The following RBFOX1 variants were observed in gnomAD, a reference collection of about 807,000 sequenced individuals.
The protein encoded by RBFOX1 is RNA binding protein fox-1 homolog 1.
RBFOX1 carries 8 observed loss-of-function variants against 57.7 expected under a neutral mutation model. The ratio of observed to expected loss-of-function variants is 0.14; its 90% CI spans 0.08 to 0.25. RBFOX1 has a LOEUF of 0.25. Ranked by LOEUF, RBFOX1 falls within the 10% of genes least tolerant of loss-of-function variation. The pLI, the probability that RBFOX1 is intolerant of heterozygous loss-of-function variation, is 1.00. For missense variants in RBFOX1, 611 were observed against 548.5 expected, an observed-to-expected ratio of 1.11 and a Z score of -1.14; for synonymous variants, 326 against 222.4, an observed-to-expected ratio of 1.47 and a Z score of -4.15.
chr16:7,228,481 A>G lies in RBFOX1; in HGVS notation c.27+176383A>G, dbSNP rs1027026841. Among the ~76,000 whole-genome samples the G allele has an allele frequency of 2.3e-4, 35 of 152,192 alleles. 1 individual carries two copies. The highest frequency in any genetic ancestry group is 7.5e-4 in the African/African-American group (31 of 41,442). On this transcript the variant is annotated intron_variant, in intron 4 of 15. Coordinates refer to ENST00000550418, the MANE Select transcript of RBFOX1 (RefSeq NM_018723.4). ...CTATTCTAAATAGGTGTTCTCATTG[A>G]ACTTGGTTTTCTCAGTGATTCATAA...
chr16:5,357,180 C>T (rs375162372), intron 1 of RBFOX1, among the ~76,000 whole-genome samples: 15 of 152,192 alleles, frequency 9.9e-5, no homozygotes, highest in Non-Finnish European at 1.8e-4. Context: ...AACTGTACCT[C>T]TCACCCATTG....
At chr16:6,722,554 T>C (rs1432175731) in intron 3 of RBFOX1, among the ~76,000 whole-genome samples, 1 of 152,212 alleles carries the variant, frequency 6.6e-6, no homozygotes, top group Non-Finnish European at 1.5e-5. Flanking sequence ...CTCAGTACCA[T>C]GTTTGTGTGA....
intron 14 of RBFOX1, among the ~76,000 whole-genome samples, chr16:7,697,859 C>A (rs2079285473): frequency 1.3e-5 from 2 of 152,126 alleles, no homozygotes; most frequent in Admixed American, 1.3e-4. Flanking sequence ...TTGGAAGAGA[C>A]CCAAGGGCAC....
intron 3 of RBFOX1, among the ~76,000 whole-genome samples, chr16:6,847,114 C>G (rs1490765541): frequency 6.6e-6 from 1 of 152,192 alleles, no homozygotes; most frequent in African/African-American, 2.4e-5. Flanking sequence ...TCAGTCAACC[C>G]TGCTCAGAGA....
At chr16:5,503,254 G>A (rs974191291) in intron 2 of RBFOX1, among the ~76,000 whole-genome samples, 1 of 152,184 alleles carries the variant, frequency 6.6e-6, no homozygotes, top group African/African-American at 2.4e-5. Flanking sequence ...CTTATAGGAA[G>A]ATCCAAGAGG....
At chr16:6,367,571 C>T (rs979401410) in intron 2 of RBFOX1, among the ~76,000 whole-genome samples, 1 of 152,002 alleles carries the variant, frequency 6.6e-6, no homozygotes. Context: ...CGCCTGGCCC[C>T]TTCTTGGATT....
At chr16:5,315,873 C>T (rs1163408665) in intron 1 of RBFOX1, among the ~76,000 whole-genome samples, 2 of 152,100 alleles carry the variant, frequency 1.3e-5, no homozygotes, top group East Asian at 1.9e-4. Context: ...CACCCTGATG[C>T]CAGAGTATCA....
intron 3 of RBFOX1, among the ~76,000 whole-genome samples, chr16:6,692,952 C>G (rs998879117): frequency 2.0e-5 from 3 of 151,414 alleles, no homozygotes; most frequent in African/African-American, 7.3e-5. Flanking sequence ...AACATCATCC[C>G]CATCCACTAC....
In RBFOX1 at chr16:6,197,879, TGTAA is replaced by T. The variant is rs372603495; in HGVS notation, c.-126-119113_-126-119110del. 1.4e-3 allele frequency among the ~76,000 whole-genome samples: 213 copies of T among 152,232 alleles called. 2 individuals carry two copies. The highest frequency in any genetic ancestry group is 4.5e-3 in the African/African-American group (189 of 41,548). ...GAGTTTCCATCATTTAGCTTCCACTTGTAAGTGAGAAAAAGTGGCATTTGGTTTT... is the reference window on the plus strand; with the variant it reads ...GAGTTTCCATCATTTAGCTTCCACTTGTGAGAAAAAGTGGCATTTGGTTTT... On this transcript the variant is annotated intron_variant, in intron 1 of 15. Transcript: ENST00000550418.
At chr16:5,437,317 T>C (rs2067947692) in intron 1 of RBFOX1, among the ~76,000 whole-genome samples, 1 of 152,234 alleles carries the variant, frequency 6.6e-6, no homozygotes, top group African/African-American at 2.4e-5. Context: ...GCTTTTGTTT[T>C]TTGTTTTTGT....
chr16:6,189,315 A>C (rs781674756), intron 1 of RBFOX1, among the ~76,000 whole-genome samples: 2 of 152,236 alleles, frequency 1.3e-5, no homozygotes, highest in African/African-American at 4.8e-5. Flanking sequence ...GCATCAGGAC[A>C]CTGAGTGCCA....
At chr16:5,775,176 C>G (rs553140746) in intron 3 of RBFOX1, among the ~76,000 whole-genome samples, 4 of 152,320 alleles carry the variant, frequency 2.6e-5, no homozygotes, top group Non-Finnish European at 4.4e-5. Flanking sequence ...ACATCCTATT[C>G]TGGAGCTTTT....
chr16:7,365,740 A>C (rs2097430962), intron 4 of RBFOX1, among the ~76,000 whole-genome samples: 1 of 152,206 alleles, frequency 6.6e-6, no homozygotes, highest in African/African-American at 2.4e-5. Flanking sequence ...GAGATAGAGA[A>C]ACCCTGTTTT....
intron 3 of RBFOX1, among the ~76,000 whole-genome samples, chr16:5,686,337 C>A (rs1363842617): frequency 1.3e-5 from 2 of 152,116 alleles, no homozygotes; most frequent in Non-Finnish European, 2.9e-5. Context: ...ATCATTGTGA[C>A]AAAATATAAT....
In RBFOX1 at chr16:5,947,628, G is replaced by C. The variant is rs535101469; in HGVS notation, c.351+80293G>C. Reference sequence around the variant, plus strand: ...ATGATCCACCATGTCTTGACCCTTCGATTTTAGGTATTTTTATGGCATCCC... The same window carrying C: ...ATGATCCACCATGTCTTGACCCTTCCATTTTAGGTATTTTTATGGCATCCC... On this transcript the variant is annotated intron_variant, in intron 4 of 19. Transcript: ENST00000641259. The surrounding 1 kb of genome is among the most constrained non-coding windows in gnomAD (Gnocchi z 7.2). Among the ~76,000 whole-genome samples the C allele has an allele frequency of 1.3e-5, 2 of 152,102 alleles. No individual in the cohort carries two copies. Among genetic ancestry groups the C allele is most frequent in the Non-Finnish European group, 2.9e-5 (2 of 68,014 alleles).
intron 3 of RBFOX1, among the ~76,000 whole-genome samples, chr16:6,683,681 C>G (rs1241726989): frequency 6.6e-6 from 1 of 152,084 alleles, no homozygotes; most frequent in Non-Finnish European, 1.5e-5. Flanking sequence ...AGCAAGCCCT[C>G]AGATCTGCAC....
intron 4 of RBFOX1, among the ~76,000 whole-genome samples, chr16:7,148,200 T>C (rs909443147): frequency 5.9e-5 from 9 of 152,196 alleles, no homozygotes; most frequent in African/African-American, 4.8e-5. Context: ...CTGGGGTCTG[T>C]TAGATCAACA....
At chr16:5,908,616 G>T (rs1162464195) in intron 4 of RBFOX1, among the ~76,000 whole-genome samples, 3 of 152,076 alleles carry the variant, frequency 2.0e-5, no homozygotes, top group Admixed American at 2.0e-4. Flanking sequence ...GCCTCCCAAA[G>T]TGCAGAGATT....
At chr16:7,343,885 A>G (rs971839266) in intron 4 of RBFOX1, among the ~76,000 whole-genome samples, 1 of 152,184 alleles carries the variant, frequency 6.6e-6, no homozygotes, top group African/African-American at 2.4e-5. Flanking sequence ...AAATCATGTA[A>G]AGTCCACAAT....
Sources: gnomAD v4.1 joint callset for allele counts (sites outside exome capture counted in the v4.1 genomes callset) on GRCh38, gnomAD v4.1.1 for gene constraint, Gnocchi (gnomAD v3.1) non-coding constraint, MANE v1.5 for transcripts, NCBI Gene and HGNC (gene_info 2026-07-23, HGNC 2026-07-21) for gene names.